The following MCHR2 variants were observed in gnomAD, a reference collection of about 807,000 sequenced individuals.
MCHR2 encodes melanin-concentrating hormone receptor 2.
In MCHR2, 15 loss-of-function variants were observed where a neutral mutation model predicts 24.8. That is an observed-to-expected ratio of 0.60 (90% confidence interval 0.40 to 0.93). The LOEUF (loss-of-function observed/expected upper bound fraction) is 0.93. Among genes scored for constraint, MCHR2 ranks in the 40% least tolerant of loss-of-function variants. MCHR2 has a pLI of 0.00. For missense variants in MCHR2, 386 were observed against 408.7 expected (o/e 0.94, Z 0.48); for synonymous variants, 151 against 147.6 (o/e 1.02, Z -0.17).
intron 5 of MCHR2, among the ~76,000 whole-genome samples, chr6:99,930,900 G>T (rs1261397212): frequency 2.0e-5 from 3 of 152,160 alleles, no homozygotes; most frequent in Non-Finnish European, 2.9e-5. Flanking sequence ...TGTTCCTTTG[G>T]TGGAGGAGAG....
intron 3 of MCHR2, 98 bp downstream of exon 3, chr6:99,947,664 G>T: frequency 2.6e-6 from 3 of 1,168,426 alleles, no homozygotes; most frequent in Non-Finnish European, 3.7e-6. Context: ...GAAAACCTCT[G>T]CTGTTATAAA....
At chr6:99,927,117 C>G (rs1774381545) in intron 5 of MCHR2, among the ~76,000 whole-genome samples, 1 of 152,000 alleles carries the variant, frequency 6.6e-6, no homozygotes, top group Non-Finnish European at 1.5e-5. Flanking sequence ...GCTTGTTTTT[C>G]TCAGGTTTGT....
chr6:99,983,307 T>C (rs1014728579), intron 1 of MCHR2, among the ~76,000 whole-genome samples: 7 of 152,184 alleles, frequency 4.6e-5, no homozygotes, highest in African/African-American at 1.7e-4. Flanking sequence ...TGGAAAAGAA[T>C]TGTTTTCACT....
chr6:99,958,195 C>T lies in MCHR2; in HGVS notation c.-27-2021G>A, dbSNP rs546839653. ...CAAACAGACCCATACATATATATTACACTTGATATATGAAAAGATGTCACT... is the reference window on the plus strand; with the variant it reads ...CAAACAGACCCATACATATATATTATACTTGATATATGAAAAGATGTCACT... On this transcript the variant is annotated intron_variant, in intron 1 of 5. Coordinates refer to ENST00000281806, the MANE Select transcript of MCHR2 (RefSeq NM_001040179.2). Among the ~76,000 whole-genome samples, 6 of 152,066 alleles carry T rather than the reference C, an allele frequency of 3.9e-5. No individual in the cohort carries two copies. The East Asian group carries it at 1.2e-3, about 29-fold the overall frequency.
At chr6:99,965,697 T>TA (rs1034393094) in intron 1 of MCHR2, among the ~76,000 whole-genome samples, 1 of 152,112 alleles carries the variant, frequency 6.6e-6, no homozygotes. Context: ...TCTATAAGTT[T>TA]AAAAAAGAAA....
rs1449521724 is a variant in MCHR2, at chr6:99,994,068, G to C, written c.-160C>G. 1 of 152,466 alleles carries C rather than the reference G, an allele frequency of 6.6e-6. No individual in the cohort carries two copies. Among genetic ancestry groups the C allele is most frequent in the East Asian group, 1.9e-4 (1 of 5,188 alleles). The allele number at this position is 152,466 out of a possible 1,614,324, so 9.4% of individuals were successfully genotyped here. On this transcript the variant is annotated 5_prime_UTR_variant, in exon 1 of 6. Transcript: ENST00000281806. ...GGGTCCCAGCTGACGGAAGGTGGGG[G>C]AGGAGTGCGAGGGTCTCTGAGACAG...
At chr6:99,933,278 T>A (rs958247305) in intron 5 of MCHR2, among the ~76,000 whole-genome samples, 4 of 152,134 alleles carry the variant, frequency 2.6e-5, no homozygotes, top group African/African-American at 9.7e-5. Context: ...TTTCATAAGA[T>A]CCTCTTAGCA....
intron 5 of MCHR2, among the ~76,000 whole-genome samples, chr6:99,922,564 T>C (rs116114205): frequency 0.016 from 2,460 of 152,296 alleles, 37 homozygotes; most frequent in African/African-American, 0.036. Context: ...TTGATTTTTG[T>C]ATATAATGAG....
At chr6:99,962,807 C>T (rs1275195477) in intron 1 of MCHR2, among the ~76,000 whole-genome samples, 2 of 151,986 alleles carry the variant, frequency 1.3e-5, no homozygotes, top group Non-Finnish European at 2.9e-5. Context: ...TAAATACATC[C>T]TACAGACTGG....
rs954830525 is a variant in MCHR2, at chr6:99,936,050, G to GT, written c.588-1534dup. Among the ~76,000 whole-genome samples, 29 of 151,712 alleles carry GT rather than the reference G, an allele frequency of 1.9e-4. 1 individual carries two copies. The East Asian group carries it at 2.3e-3, about 12-fold the overall frequency. ...CCATTTTTTACATTGGATTATTTGG[G>GT]TTTTTTTGCTATTGAGTTGTTTGAG... is the stretch of plus-strand genomic sequence containing the variant. On this transcript the variant is annotated intron_variant, in intron 4 of 5. Coordinates refer to ENST00000281806, the MANE Select transcript of MCHR2 (RefSeq NM_001040179.2).
At chr6:99,947,016 T>C (rs1774884330) in intron 3 of MCHR2, among the ~76,000 whole-genome samples, 1 of 152,132 alleles carries the variant, frequency 6.6e-6, no homozygotes, top group Non-Finnish European at 1.5e-5. Flanking sequence ...TAGAGTCAGA[T>C]GGCTTGGGTC....
At chr6:99,978,931 G>A (rs1399166783) in intron 1 of MCHR2, among the ~76,000 whole-genome samples, 1 of 152,112 alleles carries the variant, frequency 6.6e-6, no homozygotes. Flanking sequence ...CTGGGGAAAG[G>A]AAAAGGTGCC....
At chr6:99,948,064 G>C in intron 2 of MCHR2, 93 bp from the exon 3 acceptor site, 1 of 1,091,692 alleles carries the variant, frequency 9.2e-7, no homozygotes, top group Non-Finnish European at 1.3e-6. Context: ...TTGACATAAT[G>C]CATTTTAAAT....
rs201360449 is a variant in MCHR2, at chr6:99,994,182, A to T, written c.-274T>A. On this transcript the variant is annotated 5_prime_UTR_variant, in exon 1 of 6. Coordinates refer to ENST00000281806, the MANE Select transcript of MCHR2 (RefSeq NM_001040179.2). ...CCGAACCAGCGGGGTTACCTTTGCCACTTCATCCAATCCGAGCATCGGGTG... is the reference window on the plus strand; with the variant it reads ...CCGAACCAGCGGGGTTACCTTTGCCTCTTCATCCAATCCGAGCATCGGGTG... 1 of 152,230 alleles carries T rather than the reference A, an allele frequency of 6.6e-6. No individual in the cohort carries two copies. Among genetic ancestry groups the T allele is most frequent in the East Asian group, 1.9e-4 (1 of 5,178 alleles). 9.4% of individuals were successfully genotyped at this position (152,230 alleles called of 1,614,324 possible).
chr6:99,943,061 C>T lies in MCHR2; in HGVS notation c.475G>A (p.Ala159Thr), dbSNP rs777899290. The T allele has an allele frequency of 1.2e-6, 2 of 1,613,208 alleles. No individual in the cohort carries two copies. The highest frequency in any genetic ancestry group is 2.2e-5 in the East Asian group (1 of 44,852). ...KTIRINLGLWAASFILALPVW... is the reference protein window; with the variant it reads ...KTIRINLGLWTASFILALPVW... ...GGCAATGCCAGGATAAAGGAAGCTG[C>T]CCAAAGGCCCAAATTGATCCGGATG... Residue 159 changes from alanine (A) to threonine (T), a missense_variant, in exon 4 of 6, where the codon GCA becomes ACA. Physicochemically the swap from Ala to Thr is moderately conservative, Grantham distance 58. Transcript: ENST00000281806.
intron 5 of MCHR2, among the ~76,000 whole-genome samples, chr6:99,924,248 G>A (rs1273493131): frequency 1.1e-4 from 17 of 151,900 alleles, no homozygotes; most frequent in African/African-American, 3.9e-4. Flanking sequence ...AGTATCAGTT[G>A]TAAGGTCTAC....
chr6:99,925,566 A>T (rs919517638), intron 5 of MCHR2, among the ~76,000 whole-genome samples: 1 of 151,410 alleles, frequency 6.6e-6, no homozygotes. Flanking sequence ...TATCCATTGT[A>T]TGTTTTCTGA....
chr6:99,935,475 A>T (rs1368075172), intron 4 of MCHR2, among the ~76,000 whole-genome samples: 2 of 151,876 alleles, frequency 1.3e-5, no homozygotes, highest in African/African-American at 2.4e-5. Flanking sequence ...GTCTTTCTGT[A>T]CTTGGCTCGT....
chr6:99,939,303 G>A (rs1774727227), intron 4 of MCHR2, among the ~76,000 whole-genome samples: 2 of 151,956 alleles, frequency 1.3e-5, no homozygotes, highest in South Asian at 4.2e-4. Context: ...GAATTTCTCT[G>A]GCGGAATGTC....
Sources: gnomAD v4.1 joint callset for allele counts (sites outside exome capture counted in the v4.1 genomes callset) on GRCh38, gnomAD v4.1.1 for gene constraint, MANE v1.5 for transcripts, NCBI Gene and HGNC (gene_info 2026-07-23, HGNC 2026-07-21) for gene names.